The following MACROD2 variants were observed in gnomAD, a reference collection of about 807,000 sequenced individuals.
MACROD2 encodes the protein ADP-ribose glycohydrolase MACROD2.
In MACROD2, 36 loss-of-function variants were observed where a neutral mutation model predicts 70.4. That is an observed-to-expected ratio of 0.51 (90% CI 0.39 to 0.68). The LOEUF is 0.68. MACROD2 is among the 30% of genes least tolerant of loss of function. MACROD2 has a pLI of 0.00. For missense variants in MACROD2, 496 were observed against 538.4 expected (o/e 0.92, Z 0.78); for synonymous variants, 172 against 178.8 (o/e 0.96, Z 0.30).
At chr20:15,301,544 A>AGAATC (rs1160126396) in intron 6 of MACROD2, among the ~76,000 whole-genome samples, 1 of 149,448 alleles carries the variant, frequency 6.7e-6, no homozygotes. Context: ...AAGGTATTTA[A>AGAATC]GAATCTTACT....
chr20:15,735,640 A>G (rs2051008749), intron 8 of MACROD2, among the ~76,000 whole-genome samples: 4 of 152,190 alleles, frequency 2.6e-5, no homozygotes, highest in Admixed American at 1.3e-4. Context: ...CCGCTGTGTA[A>G]CTTTCAATTC....
At chr20:15,910,528 A>C (rs1054905632) in intron 10 of MACROD2, among the ~76,000 whole-genome samples, 1 of 152,072 alleles carries the variant, frequency 6.6e-6, no homozygotes, top group Non-Finnish European at 1.5e-5. Flanking sequence ...AAGAATTTGG[A>C]AATAGATTAA....
chr20:15,179,172 A>G (rs1475995461), intron 5 of MACROD2, among the ~76,000 whole-genome samples: 2 of 152,176 alleles, frequency 1.3e-5, no homozygotes, highest in Non-Finnish European at 2.9e-5. Flanking sequence ...GCTCTCTGGA[A>G]ATATTTTGTA....
intron 2 of MACROD2, among the ~76,000 whole-genome samples, chr20:14,050,535 C>A (rs1217707546): frequency 4.5e-5 from 6 of 133,312 alleles, no homozygotes; most frequent in Non-Finnish European, 8.3e-5. Context: ...AAACCCAGGC[C>A]AGTTAGATAG....
chr20:14,235,758 T>C (rs1014941694), intron 3 of MACROD2, among the ~76,000 whole-genome samples: 7 of 152,106 alleles, frequency 4.6e-5, no homozygotes, highest in Non-Finnish European at 8.8e-5. Context: ...CTGAAGCACA[T>C]CTGATGCAGA....
chr20:14,729,619 C>T lies in MACROD2; in HGVS notation c.418+44660C>T, dbSNP rs551122279. ...CACCATCTAATGGATTGGCGGCACA[C>T]ATTCATGCGACTTATTTGCTCAAAA... On this transcript the variant is annotated intron_variant, in intron 5 of 17. Coordinates refer to ENST00000684519, the MANE Select transcript of MACROD2 (RefSeq NM_001351661.2). 5.2e-4 allele frequency among the ~76,000 whole-genome samples: 79 copies of T among 152,164 alleles called. 3 individuals are homozygous for T. In the South Asian group the frequency reaches 0.015, roughly 29 times the overall value.
intron 8 of MACROD2, among the ~76,000 whole-genome samples, chr20:15,702,299 C>T (rs1423224910): frequency 5.3e-5 from 8 of 152,172 alleles, no homozygotes; most frequent in Admixed American, 5.2e-4. Flanking sequence ...ATAAGTATTC[C>T]CTTTTCTCTG....
At chr20:15,535,107 C>G (rs1214741294) in intron 8 of MACROD2, among the ~76,000 whole-genome samples, 2 of 152,102 alleles carry the variant, frequency 1.3e-5, no homozygotes, top group African/African-American at 2.4e-5. Context: ...TACCAAGTAA[C>G]TGGGACAACA....
chr20:15,119,141 T>A (rs1241323947), intron 5 of MACROD2, among the ~76,000 whole-genome samples: 2 of 152,216 alleles, frequency 1.3e-5, no homozygotes, highest in Admixed American at 6.5e-5. Flanking sequence ...TTCATCCATT[T>A]GTACCATTTG....
At chr20:14,001,542 A>G (rs1171247283) in intron 1 of MACROD2, among the ~76,000 whole-genome samples, 2 of 152,026 alleles carry the variant, frequency 1.3e-5, no homozygotes, top group Admixed American at 6.6e-5. Flanking sequence ...ACTATTTTGT[A>G]TCTTACTGTG....
intron 5 of MACROD2, among the ~76,000 whole-genome samples, chr20:15,018,045 G>A (rs957656168): frequency 1.1e-4 from 16 of 152,144 alleles, no homozygotes; most frequent in South Asian, 6.2e-4. Context: ...TTCTGCAGCC[G>A]CCTTGAATTT....
chr20:14,906,310 A>G (rs960576174), intron 5 of MACROD2, among the ~76,000 whole-genome samples: 1 of 152,168 alleles, frequency 6.6e-6, no homozygotes, highest in Non-Finnish European at 1.5e-5. Flanking sequence ...CCTGGCCAAT[A>G]TGGCAAAACC....
rs558688089 is a variant in MACROD2, at chr20:15,850,419, G to A, written c.646-12326G>A. Among the ~76,000 whole-genome samples, 4 of 152,366 alleles carry A rather than the reference G, an allele frequency of 2.6e-5. No individual in the cohort carries two copies. The South Asian group carries it at 8.3e-4, about 32-fold the overall frequency. ...ACTATGAAAGCCCTCAGGCAAAGAAGTGCAGGTGCTTGGCCATTGTCTGGC... is the reference window on the plus strand; with the variant it reads ...ACTATGAAAGCCCTCAGGCAAAGAAATGCAGGTGCTTGGCCATTGTCTGGC... On this transcript the variant is annotated intron_variant, in intron 8 of 17. Coordinates refer to ENST00000684519, the MANE Select transcript of MACROD2 (RefSeq NM_001351661.2).
intron 7 of MACROD2, among the ~76,000 whole-genome samples, chr20:15,459,679 A>T (rs2046781664): frequency 6.6e-6 from 1 of 152,110 alleles, no homozygotes; most frequent in Non-Finnish European, 1.5e-5. Flanking sequence ...TCTGAGTTCA[A>T]AAGGCTTCTT....
At chr20:14,588,667 T>G (rs1305004658) in intron 4 of MACROD2, among the ~76,000 whole-genome samples, 1 of 152,076 alleles carries the variant, frequency 6.6e-6, no homozygotes, top group Non-Finnish European at 1.5e-5. Context: ...TTTCACCATC[T>G]TGGCCAGTCT....
chr20:15,573,703 C>A (rs574105098), intron 8 of MACROD2, among the ~76,000 whole-genome samples: 17 of 152,200 alleles, frequency 1.1e-4, no homozygotes, highest in African/African-American at 3.9e-4. Context: ...CAAGCAACCC[C>A]CTTGTGAGCC....
chr20:15,215,251 T>TG (rs2076799920), intron 5 of MACROD2, among the ~76,000 whole-genome samples: 3 of 140,688 alleles, frequency 2.1e-5, no homozygotes, highest in South Asian at 2.3e-4. Flanking sequence ...TCTCCTGTAT[T>TG]TTGTGTGTGT....
chr20:15,751,348 CATTTT>C (rs1267126509), intron 8 of MACROD2, among the ~76,000 whole-genome samples: 1 of 151,942 alleles, frequency 6.6e-6, no homozygotes, highest in Non-Finnish European at 1.5e-5. Flanking sequence ...GTAAAAGTAA[CATTTT>C]ATTACTTTAT....
chr20:14,170,626 T>G (rs527833287), intron 3 of MACROD2, among the ~76,000 whole-genome samples: 1 of 152,352 alleles, frequency 6.6e-6, no homozygotes, highest in South Asian at 2.1e-4. Context: ...TTTTTAATTC[T>G]TTTTACATGG....
Sources: gnomAD v4.1 joint callset for allele counts (sites outside exome capture counted in the v4.1 genomes callset) on GRCh38, gnomAD v4.1.1 for gene constraint, MANE v1.5 for transcripts, NCBI Gene and HGNC (gene_info 2026-07-23, HGNC 2026-07-21) for gene names.